The following GRIK2 variants were observed in gnomAD, a reference collection of about 807,000 sequenced individuals.
GRIK2 encodes the protein glutamate receptor ionotropic, kainate 2.
Under a neutral mutation model 100.3 loss-of-function variants are expected in GRIK2, and 32 were observed. The observed-to-expected ratio is 0.32, with a 90% confidence interval of 0.24 to 0.43. The LOEUF (loss-of-function observed/expected upper bound fraction) is 0.43, where lower values mean the gene tolerates loss of function less well. GRIK2 is among the 20% of genes least tolerant of loss of function. The pLI, the probability that GRIK2 is intolerant of heterozygous loss-of-function variation, is 1.00. For synonymous variants in GRIK2, 417 were observed against 389.4 expected (o/e 1.07, Z -0.83); for missense variants, 843 against 1,114.9 (o/e 0.76, Z 3.47).
At chr6:101,718,463 A>T (rs1774221715) in intron 7 of GRIK2, among the ~76,000 whole-genome samples, 2 of 152,042 alleles carry the variant, frequency 1.3e-5, no homozygotes, top group South Asian at 4.1e-4. Flanking sequence ...CTGTTACTGA[A>T]TACTGATATC....
At chr6:101,944,719 A>C (rs1791168637) in intron 14 of GRIK2, among the ~76,000 whole-genome samples, 2 of 152,258 alleles carry the variant, frequency 1.3e-5, no homozygotes, top group East Asian at 1.9e-4. Flanking sequence ...AAGCTGTAAT[A>C]ATTCATTATA....
intron 11 of GRIK2, among the ~76,000 whole-genome samples, chr6:101,863,691 A>G (rs1209686813): frequency 6.6e-6 from 1 of 152,200 alleles, no homozygotes; most frequent in Non-Finnish European, 1.5e-5. Context: ...ACAGATCTAC[A>G]GTTACTTCTT....
intron 7 of GRIK2, among the ~76,000 whole-genome samples, chr6:101,782,261 G>A (rs1779142983): frequency 6.6e-6 from 1 of 151,920 alleles, no homozygotes; most frequent in East Asian, 1.9e-4. Flanking sequence ...GTTAACTCTA[G>A]TTACCCTACT....
intron 14 of GRIK2, among the ~76,000 whole-genome samples, chr6:101,987,828 T>C (rs1444714068): frequency 1.3e-5 from 2 of 151,684 alleles, no homozygotes; most frequent in African/African-American, 4.8e-5. Context: ...CTAACAGATT[T>C]AAATTTTTTC....
intron 7 of GRIK2, among the ~76,000 whole-genome samples, chr6:101,766,550 A>C (rs931877536): frequency 6.6e-6 from 1 of 152,204 alleles, no homozygotes; most frequent in Admixed American, 6.5e-5. Flanking sequence ...TAAAACAACT[A>C]TTCTAGTTTA....
chr6:101,802,413 G>T lies in GRIK2; in HGVS notation c.1178G>T (p.Ser393Ile), dbSNP rs766372988. 3.8e-6 allele frequency: 6 copies of T among 1,562,346 alleles called. No homozygotes were observed. The African/African-American group carries it at 6.8e-5, about 18-fold the overall frequency. The change falls in exon 9 of 17, where the codon AGT becomes ATT. Residue 393 changes from serine to isoleucine, a missense_variant. Transcript: ENST00000369134. ...LRTDFDLDVISLKEEGLEKIG... is the reference protein window; with the variant it reads ...LRTDFDLDVIILKEEGLEKIG... ...ACAGATTTTGATTTGGATGTGATCA[G>T]TCTGAAGGAAGAAGGTCTAGAAAAG...
Position 101,837,396 on chromosome 6 carries a change from C to A in GRIK2, c.1317+18913C>A, listed in dbSNP as rs1783198412. Reference sequence around the variant, plus strand: ...GTTGAGAGATTAGATCTTAACTATTCTTACCACACACACTAAGAGGTTAAC... The same window carrying A: ...GTTGAGAGATTAGATCTTAACTATTATTACCACACACACTAAGAGGTTAAC... On this transcript the variant is annotated intron_variant, in intron 10 of 16. Transcript: ENST00000369134. Among the ~76,000 whole-genome samples, 4 of 152,220 alleles carry A rather than the reference C, an allele frequency of 2.6e-5. No homozygotes were observed. The South Asian group carries it at 6.2e-4, about 24-fold the overall frequency.
At chr6:102,019,899 C>T (rs945316336) in intron 14 of GRIK2, among the ~76,000 whole-genome samples, 10 of 151,956 alleles carry the variant, frequency 6.6e-5, no homozygotes, top group African/African-American at 9.7e-5. Flanking sequence ...GTATTATGCT[C>T]ATGATTTCTT....
intron 10 of GRIK2, among the ~76,000 whole-genome samples, chr6:101,834,110 A>G (rs2518263): frequency 0.3 from 44,852 of 151,880 alleles, 9,375 homozygotes; most frequent in East Asian, 0.67. Context: ...GTGCACTGAT[A>G]TATAACCAGG....
intron 14 of GRIK2, among the ~76,000 whole-genome samples, chr6:101,997,560 T>C (rs1358128238): frequency 1.3e-5 from 2 of 152,124 alleles, no homozygotes; most frequent in Non-Finnish European, 2.9e-5. Context: ...GGAAACTTCA[T>C]TGACTTCAAC....
At chr6:101,440,222 A>G (rs1769967759) in intron 2 of GRIK2, among the ~76,000 whole-genome samples, 1 of 152,200 alleles carries the variant, frequency 6.6e-6, no homozygotes. Context: ...AATAAGGTGA[A>G]ATTGGACGGA....
At position 101,889,993 on chromosome 6, in the gene GRIK2, A is replaced by G. The variant is rs9498738; in HGVS notation, c.1748+130A>G. On this transcript the variant is annotated intron_variant, in intron 12 of 16. Coordinates refer to ENST00000369134, the MANE Select transcript of GRIK2 (RefSeq NM_021956.5). ...TCCATGGGGTGCTGAGAAATAATGA[A>G]ATTTTAAGAATCACATTCATTTATT... 4,395 of 637,016 alleles carry G rather than the reference A, an allele frequency of 6.9e-3. 142 individuals are homozygous for G. In the African/African-American group the frequency reaches 0.072, roughly 10 times the overall value. The allele number at this position is 637,016 out of a possible 1,614,324, so 39.5% of individuals were successfully genotyped here.
At chr6:101,692,461 C>T (rs1772180269) in intron 7 of GRIK2, among the ~76,000 whole-genome samples, 1 of 152,008 alleles carries the variant, frequency 6.6e-6, no homozygotes, top group Non-Finnish European at 1.5e-5. Flanking sequence ...CAAGACAATA[C>T]CTCTATTTCA....
intron 7 of GRIK2, among the ~76,000 whole-genome samples, chr6:101,742,409 ACT>A (rs1315827942): frequency 6.6e-6 from 1 of 151,942 alleles, no homozygotes; most frequent in East Asian, 1.9e-4. Flanking sequence ...AAAGAGTCAG[ACT>A]CTGTAAAATA....
At chr6:101,477,786 A>G (rs1772321328) in intron 2 of GRIK2, among the ~76,000 whole-genome samples, 1 of 152,218 alleles carries the variant, frequency 6.6e-6, no homozygotes, top group Admixed American at 6.5e-5. Flanking sequence ...ACTTTTAGAA[A>G]GAACTTCAAA....
intron 7 of GRIK2, among the ~76,000 whole-genome samples, chr6:101,747,692 A>C (rs144220126): frequency 1.4e-4 from 21 of 152,290 alleles, no homozygotes; most frequent in Admixed American, 5.9e-4. Flanking sequence ...CATTATAGAC[A>C]ATATTGGTAG....
At chr6:102,065,806 A>C in intron 16 of GRIK2, 1 of 1,523,366 alleles carries the variant, frequency 6.6e-7, no homozygotes, top group South Asian at 1.2e-5. Context: ...GAGAGCCAAG[A>C]CTAAGTTACC....
chr6:101,714,856 AATT>A (rs1280130194), intron 7 of GRIK2, among the ~76,000 whole-genome samples: 6 of 151,778 alleles, frequency 4.0e-5, no homozygotes, highest in African/African-American at 1.4e-4. Flanking sequence ...AATGCAAACA[AATT>A]ATTATGATAT....
intron 4 of GRIK2, 55 bp from the exon 5 acceptor site, chr6:101,676,568 C>T: frequency 1.0e-6 from 1 of 993,634 alleles, no homozygotes; most frequent in East Asian, 2.7e-5. Flanking sequence ...GATTCTTTGC[C>T]CTACTCTATT....
Sources: gnomAD v4.1 joint callset for allele counts (sites outside exome capture counted in the v4.1 genomes callset) on GRCh38, gnomAD v4.1.1 for gene constraint, MANE v1.5 for transcripts, NCBI Gene and HGNC (gene_info 2026-07-23, HGNC 2026-07-21) for gene names.